Variants in CTNNA3 observed in about 807,000 individuals in gnomAD.
The protein encoded by CTNNA3 is catenin alpha 3.
CTNNA3 carries 76 observed loss-of-function variants against 95.7 expected under a neutral mutation model. The ratio of observed to expected loss-of-function variants is 0.79; its 90% CI spans 0.66 to 0.96. The LOEUF (loss-of-function observed/expected upper bound fraction) is 0.96, where lower values mean the gene tolerates loss of function less well. Among genes scored for constraint, CTNNA3 ranks in the 40% least tolerant of loss-of-function variants. CTNNA3 has a pLI of 0.00. For synonymous variants in CTNNA3, 431 were observed against 374.4 expected (o/e 1.15, Z -1.74); for missense variants, 1,191 against 1,089.8 (o/e 1.09, Z -1.31).
chr10:67,051,107 G>A (rs1171349679), intron 7 of CTNNA3, among the ~76,000 whole-genome samples: 5 of 152,188 alleles, frequency 3.3e-5, no homozygotes, highest in Admixed American at 1.3e-4. Flanking sequence ...AATAAAGACA[G>A]AGATACAAGC....
intron 1 of CTNNA3, among the ~76,000 whole-genome samples, chr10:67,738,159 C>T (rs1017372766): frequency 2.0e-5 from 3 of 152,142 alleles, no homozygotes; most frequent in African/African-American, 7.2e-5. Flanking sequence ...CAGGAAACAA[C>T]ACAACACCAG....
At chr10:66,394,569 A>AAAG (rs1468458393) in intron 11 of CTNNA3, among the ~76,000 whole-genome samples, 1 of 144,598 alleles carries the variant, frequency 6.9e-6, no homozygotes. Flanking sequence ...AAAAAAAAAA[A>AAAG]AAGAAGAAGA....
intron 5 of CTNNA3, among the ~76,000 whole-genome samples, chr10:67,312,764 A>C (rs774901970): frequency 2.0e-5 from 3 of 152,194 alleles, no homozygotes; most frequent in Non-Finnish European, 4.4e-5. Context: ...AGATGGACAG[A>C]TGGGTGGATA....
chr10:66,115,524 T>TGATAGATAGATA (rs71035110), intron 13 of CTNNA3, among the ~76,000 whole-genome samples: 18 of 137,622 alleles, frequency 1.3e-4, no homozygotes, highest in South Asian at 2.4e-4. Context: ...GATAGATAGA[T>TGATAGATAGATA]GATAGATAGA....
intron 7 of CTNNA3, among the ~76,000 whole-genome samples, chr10:66,798,458 T>C (rs1841298372): frequency 6.6e-6 from 1 of 151,682 alleles, no homozygotes; most frequent in Non-Finnish European, 1.5e-5. Flanking sequence ...AAAAAAATTG[T>C]GAAAATGGTG....
At chr10:66,758,922 G>A (rs1171980895) in intron 9 of CTNNA3, among the ~76,000 whole-genome samples, 1 of 151,976 alleles carries the variant, frequency 6.6e-6, no homozygotes, top group East Asian at 2.0e-4. Context: ...GTGACAGAGG[G>A]TGAGACTTGT....
At chr10:66,515,345 C>CTCTCTCTCTATATATA (rs558913767) in intron 11 of CTNNA3, among the ~76,000 whole-genome samples, 10 of 148,894 alleles carry the variant, frequency 6.7e-5, no homozygotes, top group African/African-American at 1.2e-4. Flanking sequence ...CTCTCTCTCT[C>CTCTCTCTCTATATATA]TATATATATA....
At chr10:66,966,659 A>G (rs1564800201) in intron 7 of CTNNA3, among the ~76,000 whole-genome samples, 1 of 152,108 alleles carries the variant, frequency 6.6e-6, no homozygotes, top group Non-Finnish European at 1.5e-5. Context: ...ACATTTAACC[A>G]AAATAAGATG....
intron 12 of CTNNA3, among the ~76,000 whole-genome samples, chr10:66,315,236 C>T (rs1258224576): frequency 6.6e-6 from 1 of 151,950 alleles, no homozygotes; most frequent in Non-Finnish European, 1.5e-5. Flanking sequence ...AGTTCTAACG[C>T]CACAATCCCT....
At chr10:67,440,120 A>T (rs927437653) in intron 5 of CTNNA3, among the ~76,000 whole-genome samples, 30 of 152,256 alleles carry the variant, frequency 2.0e-4, no homozygotes, top group Admixed American at 2.0e-3. Flanking sequence ...CTTAAGGGTG[A>T]CTTCCAGGCC....
chr10:67,132,102 T>G (rs77084437), intron 7 of CTNNA3, among the ~76,000 whole-genome samples: 1 of 152,036 alleles, frequency 6.6e-6, no homozygotes, highest in African/African-American at 2.4e-5. Flanking sequence ...CAGACAAGGA[T>G]AGAGCAAAAT....
At chr10:67,430,916 T>C (rs1846090330) in intron 5 of CTNNA3, among the ~76,000 whole-genome samples, 1 of 151,166 alleles carries the variant, frequency 6.6e-6, no homozygotes, top group Non-Finnish European at 1.5e-5. Flanking sequence ...TCACCTTTTG[T>C]CCCCAGCCTA....
intron 7 of CTNNA3, among the ~76,000 whole-genome samples, chr10:66,854,990 T>A (rs981104176): frequency 1.3e-5 from 2 of 151,976 alleles, no homozygotes; most frequent in African/African-American, 2.4e-5. Flanking sequence ...AGATAAAAAA[T>A]ATATATATGC....
chr10:66,845,719 A>ATAAATAAATAAATATATAAATAAATAAAT (rs1460976033), intron 7 of CTNNA3, among the ~76,000 whole-genome samples: 1 of 73,226 alleles, frequency 1.4e-5, no homozygotes, highest in African/African-American at 4.2e-5. Flanking sequence ...AAAAAAAAAA[A>ATAAATAAATAAATATATAAATAAATAAAT]AAAAAAAAAA....
chr10:67,457,009 G>T (rs1228275312), intron 5 of CTNNA3, among the ~76,000 whole-genome samples: 1 of 152,126 alleles, frequency 6.6e-6, no homozygotes, highest in Non-Finnish European at 1.5e-5. Flanking sequence ...TGGAAAGTAA[G>T]CATCCAGGGT....
intron 1 of CTNNA3, among the ~76,000 whole-genome samples, chr10:67,735,083 T>C (rs1342093339): frequency 6.6e-6 from 1 of 151,110 alleles, no homozygotes; most frequent in African/African-American, 2.4e-5. Context: ...TAGAGCAAGG[T>C]TGGAAATGTA....
intron 7 of CTNNA3, among the ~76,000 whole-genome samples, chr10:67,120,805 C>A (rs10997518): frequency 6.6e-6 from 1 of 151,840 alleles, no homozygotes; most frequent in East Asian, 1.9e-4. Context: ...ATGCGTAAGT[C>A]TTTCCTAAAC....
At chr10:66,570,284 G>T (rs12780366) in intron 10 of CTNNA3, among the ~76,000 whole-genome samples, 48,673 of 144,528 alleles carry the variant, frequency 0.34, 8,020 homozygotes, top group South Asian at 0.52. Context: ...GATTTGTTTT[G>T]TTTTGTTTTG....
intron 15 of CTNNA3, among the ~76,000 whole-genome samples, chr10:66,051,377 T>G (rs1373184662): frequency 6.6e-6 from 1 of 152,220 alleles, no homozygotes; most frequent in Non-Finnish European, 1.5e-5. Flanking sequence ...TTTGACTTCT[T>G]TATTCAGTTT....
Sources: gnomAD v4.1 joint callset for allele counts (sites outside exome capture counted in the v4.1 genomes callset) on GRCh38, gnomAD v4.1.1 for gene constraint, MANE v1.5 for transcripts, NCBI Gene and HGNC (gene_info 2026-07-23, HGNC 2026-07-21) for gene names.